HMGCLL1: variants seen among roughly 807,000 people sequenced by gnomAD.
HMGCLL1 encodes the protein 3-hydroxymethyl-3-methylglutaryl-CoA lyase, cytoplasmic.
HMGCLL1 carries 36 observed loss-of-function variants against 39.1 expected under a neutral mutation model. The observed-to-expected ratio is 0.92, with a 90% CI of 0.71 to 1.22. The LOEUF is 1.22. Among genes scored for constraint, HMGCLL1 ranks in the 50% most tolerant of loss-of-function variants. The pLI, the probability that HMGCLL1 is intolerant of heterozygous loss-of-function variation, is 0.00. For missense variants in HMGCLL1, 451 were observed against 416.5 expected (o/e 1.08, Z -0.72); for synonymous variants, 149 against 144.0 (o/e 1.03, Z -0.25).
chr6:55,650,090 C>CATATATATAT, the HMGCLL1 span, among the ~76,000 whole-genome samples: 144 of 52,204 alleles, frequency 2.8e-3, 1 homozygote, highest in Non-Finnish European at 3.7e-3. Context: ...CACACATATA[C>CATATATATAT]ATATATATAT....
the HMGCLL1 span, among the ~76,000 whole-genome samples, chr6:55,598,969 T>C: frequency 6.6e-6 from 1 of 152,140 alleles, no homozygotes; most frequent in Admixed American, 6.6e-5. Flanking sequence ...TTCAGGGACA[T>C]GGATGAAGCT....
intron 1 of HMGCLL1, chr6:55,566,395 C>T (rs1581957643): frequency 3.7e-6 from 1 of 267,474 alleles, no homozygotes; most frequent in African/African-American, 2.2e-5. Flanking sequence ...GTGTTAAAGG[C>T]GTTTTTATGT....
chr6:55,556,260 A>T (rs1245871966), intron 1 of HMGCLL1, among the ~76,000 whole-genome samples: 1 of 152,184 alleles, frequency 6.6e-6, no homozygotes, highest in African/African-American at 2.4e-5. Context: ...GAAATCAAGT[A>T]AAGAGGAGAG....
intron 7 of HMGCLL1, among the ~76,000 whole-genome samples, chr6:55,482,602 T>G (rs1184080378): frequency 6.6e-6 from 1 of 152,132 alleles, no homozygotes; most frequent in African/African-American, 2.4e-5. Flanking sequence ...AATTTGGACC[T>G]TCAACTGAAA....
At chr6:55,489,488 T>C (rs1227827083) in intron 7 of HMGCLL1, among the ~76,000 whole-genome samples, 3 of 151,816 alleles carry the variant, frequency 2.0e-5, no homozygotes, top group Non-Finnish European at 2.9e-5. Flanking sequence ...AGAAGAAATA[T>C]TAGACTGAGA....
At chr6:55,505,904 G>A (rs929522694) in intron 5 of HMGCLL1, among the ~76,000 whole-genome samples, 2 of 151,630 alleles carry the variant, frequency 1.3e-5, no homozygotes, top group East Asian at 1.9e-4. Flanking sequence ...AAGTTGCCAC[G>A]TAAAATATTT....
intron 1 of HMGCLL1, among the ~76,000 whole-genome samples, chr6:55,546,339 C>A (rs1010292119): frequency 1.3e-5 from 2 of 151,978 alleles, no homozygotes; most frequent in Non-Finnish European, 2.9e-5. Flanking sequence ...TTGTAGAAGC[C>A]TATTTTAAAG....
intron 7 of HMGCLL1, among the ~76,000 whole-genome samples, chr6:55,455,202 A>G (rs1421172781): frequency 6.6e-6 from 1 of 152,184 alleles, no homozygotes; most frequent in Admixed American, 6.6e-5. Flanking sequence ...CAAATAGCTC[A>G]AGTTCAGCTT....
chr6:55,663,032 ACT>A, the HMGCLL1 span, among the ~76,000 whole-genome samples: 4 of 148,562 alleles, frequency 2.7e-5, no homozygotes, highest in African/African-American at 9.9e-5. Flanking sequence ...GTGGTAACAA[ACT>A]CTTTGTTGTT....
At chr6:55,494,666 C>A (rs188752017) in intron 7 of HMGCLL1, among the ~76,000 whole-genome samples, 8 of 152,238 alleles carry the variant, frequency 5.3e-5, no homozygotes, top group Non-Finnish European at 1.0e-4. Context: ...TTTTCAGCCT[C>A]CAACCAGAAA....
chr6:55,520,304 GGAT>G (rs1410826067), intron 3 of HMGCLL1, among the ~76,000 whole-genome samples: 30 of 149,982 alleles, frequency 2.0e-4, no homozygotes, highest in Admixed American at 7.3e-4. Flanking sequence ...AAATGAACAG[GGAT>G]GATAATGAAG....
chr6:55,639,895 A>G, the HMGCLL1 span, among the ~76,000 whole-genome samples: 190 of 152,148 alleles, frequency 1.2e-3, no homozygotes, highest in African/African-American at 3.9e-3. Flanking sequence ...CCTGGCCAAC[A>G]TGGTGAAACC....
At chr6:55,542,316 T>C (rs146333133) in intron 1 of HMGCLL1, among the ~76,000 whole-genome samples, 176 bp from the exon 2 acceptor site, 2,014 of 152,296 alleles carry the variant, frequency 0.013, 32 homozygotes, top group Non-Finnish European at 0.023. Flanking sequence ...CAACATGAAG[T>C]ATTTTTTCCT....
chr6:55,463,206 A>G (rs575918554), intron 7 of HMGCLL1, among the ~76,000 whole-genome samples: 2 of 151,122 alleles, frequency 1.3e-5, no homozygotes, highest in Admixed American at 6.6e-5. Flanking sequence ...ATTTTTTTCT[A>G]TTTTTAGTAG....
chr6:55,580,963 C>A (rs971811499), upstream of HMGCLL1, among the ~76,000 whole-genome samples: 15 of 152,248 alleles, frequency 9.9e-5, no homozygotes, highest in African/African-American at 3.4e-4. Flanking sequence ...ATTTTTCTCT[C>A]TATATTTAAA....
At chr6:55,587,338 G>T in the HMGCLL1 span, among the ~76,000 whole-genome samples, 2 of 152,052 alleles carry the variant, frequency 1.3e-5, no homozygotes, top group East Asian at 1.9e-4. Flanking sequence ...CTCCCATTCT[G>T]TAGGTCGCCT....
chr6:55,536,132 T>C (rs1769006744), intron 3 of HMGCLL1, among the ~76,000 whole-genome samples: 1 of 152,180 alleles, frequency 6.6e-6, no homozygotes, highest in Admixed American at 6.5e-5. Context: ...CGTTCCTTCT[T>C]GCTAACATTG....
At chr6:55,479,046 T>TAAGTA (rs1372079706) in intron 7 of HMGCLL1, among the ~76,000 whole-genome samples, 1 of 151,546 alleles carries the variant, frequency 6.6e-6, no homozygotes, top group Non-Finnish European at 1.5e-5. Context: ...TGCACAGCTT[T>TAAGTA]AAGTAGTTTT....
chr6:55,587,370 G>C, the HMGCLL1 span, among the ~76,000 whole-genome samples: 1 of 152,058 alleles, frequency 6.6e-6, no homozygotes, highest in South Asian at 2.1e-4. Context: ...CAAATGTTGA[G>C]AGATTTTGTC....
Sources: gnomAD v4.1 joint callset for allele counts (sites outside exome capture counted in the v4.1 genomes callset) on GRCh38, gnomAD v4.1.1 for gene constraint, MANE v1.5 for transcripts, NCBI Gene and HGNC (gene_info 2026-07-23, HGNC 2026-07-21) for gene names.